Variants in ARHGAP32 observed in about 807,000 individuals in gnomAD.
ARHGAP32 encodes rho GTPase-activating protein 32.
A neutral mutation model predicts 186.5 loss-of-function variants in ARHGAP32; 51 were observed. The ratio of observed to expected loss-of-function variants is 0.27; its 90% CI spans 0.22 to 0.35. The LOEUF is 0.35. Ranked by LOEUF, ARHGAP32 falls within the 10% of genes least tolerant of loss-of-function variation. The pLI, the probability that ARHGAP32 is intolerant of heterozygous loss-of-function variation, is 1.00. For missense variants in ARHGAP32, 2,186 were observed against 2,623.5 expected (o/e 0.83, Z 3.64); for synonymous variants, 950 against 964.3 (o/e 0.99, Z 0.27).
At chr11:129,117,833 T>A (rs1455433184) in intron 5 of ARHGAP32, among the ~76,000 whole-genome samples, 1 of 151,778 alleles carries the variant, frequency 6.6e-6, no homozygotes, top group Non-Finnish European at 1.5e-5. Context: ...CTCAAACTCA[T>A]CATTTCTTTG....
intron 1 of ARHGAP32, among the ~76,000 whole-genome samples, chr11:129,186,963 A>C (rs1565461440): frequency 6.6e-6 from 1 of 152,262 alleles, no homozygotes; most frequent in East Asian, 1.9e-4. Flanking sequence ...GAAGTTCCTC[A>C]AAAAAACTAA....
At chr11:129,271,254 A>ACTAGCCTAGC (rs570767577) in intron 1 of ARHGAP32, among the ~76,000 whole-genome samples, 2 of 152,190 alleles carry the variant, frequency 1.3e-5, no homozygotes, top group African/African-American at 4.8e-5. Context: ...GACAAAGCCT[A>ACTAGCCTAGC]CTAGCCTAGC....
chr11:129,172,990 G>GAA lies in ARHGAP32; in HGVS notation c.117-8565_117-8564dup, dbSNP rs138385970. The stretch of plus-strand genomic sequence containing the variant: ...AGAGACATGAAAAACCCTCCAAAAA[G>GAA]AAAAAAAAAAAAATCAACAAATCCA... On this transcript the variant is annotated intron_variant, in intron 1 of 22. Coordinates refer to ENST00000682385, the MANE Select transcript of ARHGAP32 (RefSeq NM_001378024.1). 5.7e-3 allele frequency among the ~76,000 whole-genome samples: 714 copies of GAA among 126,170 alleles called. 9 individuals carry two copies. The highest frequency in any genetic ancestry group is 0.02 in the African/African-American group (661 of 33,600). 82.8% of individuals were successfully genotyped at this position (126,170 alleles called of 152,430 possible).
chr11:128,973,872 C>A, intron 21 of ARHGAP32: 1 of 538,552 alleles, frequency 1.9e-6, no homozygotes, highest in Non-Finnish European at 3.2e-6. Context: ...CAAAAATTAT[C>A]CACGAATTCT....
At chr11:129,156,191 A>C (rs1289653274) in intron 2 of ARHGAP32, among the ~76,000 whole-genome samples, 2 of 152,196 alleles carry the variant, frequency 1.3e-5, no homozygotes, top group African/African-American at 4.8e-5. Context: ...AGCTAGCTGC[A>C]GGAGTATTTT....
intron 10 of ARHGAP32, among the ~76,000 whole-genome samples, chr11:129,046,373 A>G (rs1051786527): frequency 6.9e-6 from 1 of 144,798 alleles, no homozygotes; most frequent in African/African-American, 2.8e-5. Flanking sequence ...TGTTTTTAAC[A>G]ACTGTCCTAC....
At position 129,036,405 on chromosome 11, in the gene ARHGAP32, A is replaced by AAAG. The variant is rs1565388413; in HGVS notation, c.1045+4522_1045+4523insCTT. 4.1e-5 allele frequency among the ~76,000 whole-genome samples: 6 copies of AAAG among 147,404 alleles called. No homozygotes were observed. The East Asian group carries it at 8.0e-4, about 20-fold the overall frequency. On this transcript the variant is annotated intron_variant, in intron 11 of 22. Coordinates refer to ENST00000682385, the MANE Select transcript of ARHGAP32 (RefSeq NM_001378024.1). ...CAAAAAAAAAAAAAAAAAAAAAAAA[A>AAAG]AGAGAGAAAGCACTTGATTGATACT...
In ARHGAP32 at chr11:129,182,682, T is replaced by A. The variant is rs191910587; in HGVS notation, c.116+9401A>T. Among the ~76,000 whole-genome samples, 136 of 151,966 alleles carry A rather than the reference T, an allele frequency of 8.9e-4. 1 individual carries two copies. The highest frequency in any genetic ancestry group is 3.0e-3 in the African/African-American group (125 of 41,454). On this transcript the variant is annotated intron_variant, in intron 1 of 22. Transcript: ENST00000682385. ...TTCTGGAGACAGGGTCTCGCTCTAT[T>A]TCCAGGGCTGGAGGGCGGTGGTGTA...
chr11:128,989,408 G>A (rs1945971559), intron 12 of ARHGAP32, among the ~76,000 whole-genome samples: 1 of 151,954 alleles, frequency 6.6e-6, no homozygotes, highest in Admixed American at 6.6e-5. Flanking sequence ...TTGTATCTTA[G>A]AGAGAGTAAG....
chr11:129,265,282 C>G (rs546154500), intron 1 of ARHGAP32, among the ~76,000 whole-genome samples: 25 of 152,280 alleles, frequency 1.6e-4, no homozygotes, highest in African/African-American at 5.8e-4. Flanking sequence ...AAAACCTTGA[C>G]TACTCAGAAC....
chr11:129,181,482 T>C (rs1006386044), intron 1 of ARHGAP32, among the ~76,000 whole-genome samples: 1 of 152,190 alleles, frequency 6.6e-6, no homozygotes, highest in African/African-American at 2.4e-5. Flanking sequence ...AAAGTCATTA[T>C]CTGCTTATCA....
At chr11:129,086,987 T>C (rs542817869) in intron 6 of ARHGAP32, among the ~76,000 whole-genome samples, 2 of 152,218 alleles carry the variant, frequency 1.3e-5, no homozygotes, top group East Asian at 1.9e-4. Flanking sequence ...GTTAATAGCA[T>C]ATAAAAATGC....
At chr11:129,205,531 T>C (rs770273618) in intron 1 of ARHGAP32, among the ~76,000 whole-genome samples, 5 of 152,140 alleles carry the variant, frequency 3.3e-5, no homozygotes, top group Admixed American at 2.0e-4. Flanking sequence ...GTGCCACTTA[T>C]TACCTATGTG....
intron 1 of ARHGAP32, among the ~76,000 whole-genome samples, chr11:129,182,228 T>C (rs1428664792): frequency 1.3e-5 from 2 of 152,148 alleles, no homozygotes; most frequent in Non-Finnish European, 2.9e-5. Flanking sequence ...AATGCTACAA[T>C]AAGTTTGTGC....
At chr11:129,225,960 A>G (rs945960652) in intron 1 of ARHGAP32, among the ~76,000 whole-genome samples, 3 of 152,208 alleles carry the variant, frequency 2.0e-5, no homozygotes, top group African/African-American at 7.2e-5. Context: ...AAGTACAATT[A>G]CTGAAATGAA....
chr11:128,970,747 G>T lies in ARHGAP32; in HGVS notation c.4466C>A (p.Ser1489Tyr). The T allele has an allele frequency of 6.2e-7, 1 of 1,614,182 alleles. No individual in the cohort carries two copies. Among genetic ancestry groups the T allele is most frequent in the African/African-American group, 1.3e-5 (1 of 75,032 alleles). Residue 1489 changes from serine (S) to tyrosine (Y), a missense_variant, in exon 23 of 23, where the codon TCC becomes TAC. Around this residue, in one of 5 missense-constraint regions of ARHGAP32, gnomAD observed 1,502 missense variants for 1,570.0 expected, o/e 0.96. Transcript: ENST00000682385. The surrounding 1 kb of genome is among the most constrained non-coding windows in gnomAD (Gnocchi z 5.8). ...AGTGGTGACATCGGGCCTAGCAAAGGAGGAGTAAACTGTTTTCTGAGAAGC... is the reference window on the plus strand; with the variant it reads ...AGTGGTGACATCGGGCCTAGCAAAGTAGGAGTAAACTGTTTTCTGAGAAGC... The part of the protein sequence containing the change: ...KHASQKTVYS[S>Y]FARPDVTTEP...
At chr11:129,040,873 C>A in intron 11 of ARHGAP32, 55 bp downstream of exon 11, 1 of 1,256,672 alleles carries the variant, frequency 8.0e-7, no homozygotes, top group Non-Finnish European at 1.1e-6. Flanking sequence ...GACAGAAAAT[C>A]TGTGTCTTCA....
chr11:129,114,327 T>C (rs1027880511), intron 5 of ARHGAP32, among the ~76,000 whole-genome samples: 1 of 152,166 alleles, frequency 6.6e-6, no homozygotes, highest in African/African-American at 2.4e-5. Flanking sequence ...TCAATAAAGA[T>C]GAAGACTTTT....
Position 128,970,838 on chromosome 11 carries a change from T to C in ARHGAP32, c.4375A>G (p.Thr1459Ala). The change falls in exon 23 of 23, where the codon ACT (threonine) becomes GCT (alanine). Residue 1459 changes from threonine (T) to alanine (A), a missense_variant. Physicochemically the swap from Thr to Ala is moderately conservative, Grantham distance 58 (BLOSUM62 0). This residue lies in a region of ARHGAP32 where 1,502 missense variants were observed against 1,570.0 expected (regional missense o/e 0.96). Coordinates refer to ENST00000682385, the MANE Select transcript of ARHGAP32 (RefSeq NM_001378024.1). This position sits in a 1 kb window ranked among gnomAD's most constrained non-coding sequence, Gnocchi z 5.8. ...TCGTCCACAGAGGTGGATGAAGCAGTGACAAAGGAATGATAATTTGAACTG... is the reference window on the plus strand; with the variant it reads ...TCGTCCACAGAGGTGGATGAAGCAGCGACAAAGGAATGATAATTTGAACTG... The part of the protein sequence containing the change: ...TSSSNYHSFV[T>A]ASSTSVDDAL... 6.2e-7 allele frequency: 1 copy of C among 1,614,136 alleles called. No individual in the cohort carries two copies. Among genetic ancestry groups the C allele is most frequent in the South Asian group, 1.1e-5 (1 of 91,082 alleles).
Sources: allele counts gnomAD v4.1 joint callset (sites outside exome capture counted in the v4.1 genomes callset), GRCh38; gene constraint gnomAD v4.1.1; regional missense constraint gnomAD v4.1.1; non-coding constraint Gnocchi (gnomAD v3.1); transcripts MANE v1.5; gene names NCBI Gene and HGNC (gene_info 2026-07-23, HGNC 2026-07-21).